Variants in PPP4R3B observed in about 807,000 individuals in gnomAD.
PPP4R3B encodes the protein protein phosphatase 4 regulatory subunit 3B.
In PPP4R3B, 52 loss-of-function variants were observed where a neutral mutation model predicts 95.4. That is an observed-to-expected ratio of 0.54 (90% confidence interval 0.44 to 0.69). The LOEUF (loss-of-function observed/expected upper bound fraction) is 0.69. PPP4R3B is among the 30% of genes least tolerant of loss of function. The pLI is 0.00. For missense variants in PPP4R3B, 1,003 were observed against 1,005.9 expected (o/e 1.00, Z 0.04); for synonymous variants, 407 against 343.9 (o/e 1.18, Z -2.03).
intron 4 of PPP4R3B, among the ~76,000 whole-genome samples, chr2:55,594,726 T>C (rs1399182284): frequency 1.3e-5 from 2 of 152,270 alleles, no homozygotes; most frequent in Non-Finnish European, 2.9e-5. Flanking sequence ...ATTAAATGTT[T>C]TTCTGTCAAC....
Position 55,558,743 on chromosome 2 carries a change from G to T in PPP4R3B, c.2454+32C>A, listed in dbSNP as rs909423447. On this transcript the variant is annotated intron_variant, in intron 16 of 16. Coordinates refer to ENST00000616407, the MANE Select transcript of PPP4R3B (RefSeq NM_001122964.3). ...TGAAAAAATCTCACAGACGGGAAAAGCAAAGTTTGTGTGTAATGCTGTTTC... is the reference window on the plus strand; with the variant it reads ...TGAAAAAATCTCACAGACGGGAAAATCAAAGTTTGTGTGTAATGCTGTTTC... The T allele has an allele frequency of 2.1e-6, 3 of 1,429,154 alleles. No homozygotes were observed. In the African/African-American group the frequency reaches 4.3e-5, roughly 21 times the overall value. The allele number at this position is 1,429,154 out of a possible 1,614,324, so 88.5% of individuals were successfully genotyped here.
In PPP4R3B at chr2:55,558,929, G is replaced by A; in HGVS notation, c.2300C>T (p.Thr767Ile). Residue 767 changes from threonine (T) to isoleucine (I), a missense_variant, in exon 16 of 17, where the codon ACA becomes ATA. Thr to Ile is a moderately conservative substitution (Grantham distance 89). Coordinates refer to ENST00000616407, the MANE Select transcript of PPP4R3B (RefSeq NM_001122964.3). ...SEDKENLPKR[T>I]SPGGFKFTFS... ...AGTAAATTTGAAGCCACCAGGAGAT[G>A]TCCTTTTGGGAAGGTTTTCCTTGTC... The A allele has an allele frequency of 6.2e-7, 1 of 1,612,348 alleles. No homozygotes were observed. The highest frequency in any genetic ancestry group is 1.1e-5 in the South Asian group (1 of 90,598).
chr2:55,608,892 G>A (rs578131296), intron 2 of PPP4R3B, among the ~76,000 whole-genome samples: 1 of 152,212 alleles, frequency 6.6e-6, no homozygotes, highest in Admixed American at 6.5e-5. Flanking sequence ...GGCTGAGGTG[G>A]GAGGATCGCA....
chr2:55,579,571 G>T, intron 9 of PPP4R3B, 108 bp downstream of exon 9: 1 of 618,490 alleles, frequency 1.6e-6, no homozygotes, highest in Non-Finnish European at 2.5e-6. Flanking sequence ...TTTTTCAGTC[G>T]TAATCTCCCT....
intron 3 of PPP4R3B, among the ~76,000 whole-genome samples, chr2:55,600,921 C>T (rs1263081972): frequency 6.6e-6 from 1 of 151,886 alleles, no homozygotes; most frequent in Non-Finnish European, 1.5e-5. Flanking sequence ...CACTTTGGGA[C>T]GCTGAGGCAG....
intron 3 of PPP4R3B, among the ~76,000 whole-genome samples, chr2:55,602,017 G>A (rs991538434): frequency 6.6e-6 from 1 of 152,048 alleles, no homozygotes; most frequent in African/African-American, 2.4e-5. Context: ...AAAAATCACT[G>A]GACTGACAAA....
chr2:55,611,205 C>T (rs894772513), intron 2 of PPP4R3B, among the ~76,000 whole-genome samples: 4 of 151,960 alleles, frequency 2.6e-5, no homozygotes, highest in African/African-American at 9.7e-5. Context: ...GGCTGGGGTG[C>T]AATGGCTACG....
intron 6 of PPP4R3B, among the ~76,000 whole-genome samples, 183 bp from the exon 7 acceptor site, chr2:55,585,350 A>G (rs953337021): frequency 6.6e-6 from 1 of 152,200 alleles, no homozygotes; most frequent in Admixed American, 6.5e-5. Context: ...TAAAACTTTC[A>G]GGCAATTCAA....
In PPP4R3B at chr2:55,617,130, TC is replaced by T; in HGVS notation, c.142+13del. The T allele has an allele frequency of 1.2e-6, 2 of 1,606,930 alleles. No individual in the cohort carries two copies. The highest frequency in any genetic ancestry group is 2.2e-5 in the South Asian group (2 of 90,626). ...GAGGCACTATCCCCTATTCTACAGT[TC>T]CGATAACCTTACCGTCGGACTCTGC... is the stretch of plus-strand genomic sequence containing the variant. On this transcript the variant is annotated intron_variant, in intron 1 of 16. Coordinates refer to ENST00000616407, the MANE Select transcript of PPP4R3B (RefSeq NM_001122964.3).
chr2:55,575,626 C>T (rs768891281), intron 11 of PPP4R3B, among the ~76,000 whole-genome samples: 14 of 151,866 alleles, frequency 9.2e-5, no homozygotes, highest in Admixed American at 4.6e-4. Flanking sequence ...TTTGTAGAGA[C>T]GAGGTCTCAC....
chr2:55,588,504 A>G (rs1482499902), intron 5 of PPP4R3B, among the ~76,000 whole-genome samples: 11 of 148,530 alleles, frequency 7.4e-5, no homozygotes, highest in Non-Finnish European at 1.3e-4. Context: ...CAAGAGCGAA[A>G]CTCCATCTCA....
In PPP4R3B at chr2:55,549,913, A is replaced by G; in HGVS notation, c.2548T>C (p.Ter850GlnextTer4). ...TTGAGGGTCCCCTAATAAATATTTTATGAGCCAAGACGAGGTCTTTTCCTG... is the reference window on the plus strand; with the variant it reads ...TTGAGGGTCCCCTAATAAATATTTTGTGAGCCAAGACGAGGTCTTTTCCTG... Reference protein sequence around the residue: ...SPRKRPRLGS* With the variant: ...SPRKRPRLGSQ Residue 850 changes from the stop codon to glutamine (Q), a stop_lost, in exon 17 of 17, where the codon TAA becomes CAA. Coordinates refer to ENST00000616407, the MANE Select transcript of PPP4R3B (RefSeq NM_001122964.3). The G allele has an allele frequency of 1.2e-6, 2 of 1,611,674 alleles. No individual in the cohort carries two copies. The highest frequency in any genetic ancestry group is 1.7e-6 in the Non-Finnish European group (2 of 1,177,910).
chr2:55,561,748 T>G (rs112017436), intron 15 of PPP4R3B, among the ~76,000 whole-genome samples: 21,164 of 152,288 alleles, frequency 0.14, 2,950 homozygotes, highest in African/African-American at 0.36. Context: ...TTTCTTCCAT[T>G]TGGAATGGGA....
intron 15 of PPP4R3B, 95 bp downstream of exon 15, chr2:55,564,218 G>GC: frequency 8.7e-7 from 1 of 1,144,284 alleles, no homozygotes; most frequent in Non-Finnish European, 1.2e-6. Flanking sequence ...TGTCTTTCTT[G>GC]CTTTGTAAAC....
At chr2:55,579,611 T>A in intron 9 of PPP4R3B, 68 bp downstream of exon 9, 1 of 1,090,228 alleles carries the variant, frequency 9.2e-7, no homozygotes, top group Non-Finnish European at 1.3e-6. Flanking sequence ...AAATTGCCTG[T>A]TAGTTTAATA....
intron 4 of PPP4R3B, among the ~76,000 whole-genome samples, chr2:55,594,459 A>T (rs1309045833): frequency 6.6e-6 from 1 of 152,206 alleles, no homozygotes; most frequent in Non-Finnish European, 1.5e-5. Context: ...AAAAATAAAA[A>T]GCTGCACTTG....
In PPP4R3B at chr2:55,586,621, T is replaced by A. The variant is rs199689343; in HGVS notation, c.1113A>T (p.Val371=). ...KLGILPALEI[V]MGMDDLQVRS... is the part of the protein sequence containing the mutation. Reference sequence around the variant, plus strand: ...TGAAAAGAAACGGCATAATTACCATTACAATTTCAAGAGCAGGAAGAATTC... The same window carrying A: ...TGAAAAGAAACGGCATAATTACCATAACAATTTCAAGAGCAGGAAGAATTC... Residue 371 remains valine (V), a synonymous_variant, in exon 6 of 17, where the codon GTA becomes GTT. Coordinates refer to ENST00000616407, the MANE Select transcript of PPP4R3B (RefSeq NM_001122964.3). 1.2e-5 allele frequency: 19 copies of A among 1,580,696 alleles called. No individual in the cohort carries two copies. Among genetic ancestry groups the A allele is most frequent in the Non-Finnish European group, 1.4e-5 (16 of 1,156,604 alleles).
chr2:55,598,991 C>G lies in PPP4R3B; in HGVS notation c.346G>C (p.Glu116Gln). 1 of 1,614,014 alleles carries G rather than the reference C, an allele frequency of 6.2e-7. No individual in the cohort carries two copies. Among genetic ancestry groups the G allele is most frequent in the Non-Finnish European group, 8.5e-7 (1 of 1,179,996 alleles). The change falls in exon 4 of 17, where the codon GAA (glutamate) becomes CAA (glutamine). Residue 116 changes from glutamate to glutamine, a missense_variant. Physicochemically the swap from Glu to Gln is conservative, Grantham distance 29. Coordinates refer to ENST00000616407, the MANE Select transcript of PPP4R3B (RefSeq NM_001122964.3). ...SVEVTQDLID[E>Q]SEEERFEEMP... ...TCTTCAAATCGTTCTTCTTCAGATTCATCAATGAGGTCCTGTGTGACTTCC... is the reference window on the plus strand; with the variant it reads ...TCTTCAAATCGTTCTTCTTCAGATTGATCAATGAGGTCCTGTGTGACTTCC...
At chr2:55,568,013 G>C in intron 13 of PPP4R3B, 181 bp downstream of exon 13, 1 of 354,566 alleles carries the variant, frequency 2.8e-6, no homozygotes, top group Non-Finnish European at 4.9e-6. Flanking sequence ...TGGCAAATAA[G>C]AATTAAAAAG....
Sources: allele counts gnomAD v4.1 joint callset (sites outside exome capture counted in the v4.1 genomes callset), GRCh38; gene constraint gnomAD v4.1.1; transcripts MANE v1.5; gene names NCBI Gene and HGNC (gene_info 2026-07-23, HGNC 2026-07-21).